Variants in KHDRBS2 observed in about 807,000 individuals in gnomAD.
KHDRBS2 encodes KH RNA binding domain containing, signal transduction associated 2.
In KHDRBS2, 26 loss-of-function variants were observed where a neutral mutation model predicts 44.3. That is an observed-to-expected ratio of 0.59 (90% CI 0.43 to 0.81). The LOEUF is 0.81. Among genes scored for constraint, KHDRBS2 ranks in the 40% least tolerant of loss-of-function variants. The pLI is 0.00. For synonymous variants in KHDRBS2, 194 were observed against 151.1 expected (o/e 1.28, Z -2.08); for missense variants, 476 against 433.1 (o/e 1.10, Z -0.88).
chr6:61,686,826 T>C (rs1766864914), intron 8 of KHDRBS2, among the ~76,000 whole-genome samples: 1 of 151,482 alleles, frequency 6.6e-6, no homozygotes, highest in African/African-American at 2.4e-5. Context: ...TAATTTATTT[T>C]ACTTCCCTTA....
chr6:62,088,828 C>T (rs1395748893), intron 2 of KHDRBS2, among the ~76,000 whole-genome samples: 1 of 152,170 alleles, frequency 6.6e-6, no homozygotes, highest in Non-Finnish European at 1.5e-5. Context: ...GTAGCCACCC[C>T]TTGCCCCAGG....
chr6:61,607,712 G>A, the KHDRBS2 span, among the ~76,000 whole-genome samples: 7 of 152,034 alleles, frequency 4.6e-5, no homozygotes, highest in East Asian at 1.4e-3. Flanking sequence ...TTTTGAGGCA[G>A]AGTCTTGCTC....
intron 6 of KHDRBS2, among the ~76,000 whole-genome samples, chr6:61,817,938 T>C (rs749059505): frequency 7.6e-4 from 115 of 152,056 alleles, no homozygotes; most frequent in Non-Finnish European, 2.8e-4. Context: ...CCTAAGGCTG[T>C]CCATGTGGAG....
At chr6:61,734,749 C>G (rs1000390591) in intron 6 of KHDRBS2, among the ~76,000 whole-genome samples, 1 of 151,978 alleles carries the variant, frequency 6.6e-6, no homozygotes, top group Non-Finnish European at 1.5e-5. Context: ...TTATTATTTT[C>G]TTGGTTTTCC....
chr6:61,782,844 G>C (rs931746467), intron 6 of KHDRBS2, among the ~76,000 whole-genome samples: 1 of 150,924 alleles, frequency 6.6e-6, no homozygotes, highest in African/African-American at 2.4e-5. Context: ...CTGATGGTTG[G>C]GTCCACATGT....
intron 3 of KHDRBS2, among the ~76,000 whole-genome samples, chr6:62,038,637 G>T (rs1370273493): frequency 2.0e-5 from 3 of 152,036 alleles, no homozygotes; most frequent in Non-Finnish European, 4.4e-5. Flanking sequence ...GTTAAGTGCA[G>T]AATTTTTCTC....
At chr6:62,202,089 G>A (rs552553017) in intron 1 of KHDRBS2, among the ~76,000 whole-genome samples, 3 of 152,184 alleles carry the variant, frequency 2.0e-5, no homozygotes, top group African/African-American at 7.2e-5. Context: ...CAGAGAAATT[G>A]TAATTGGGTA....
chr6:61,888,755 G>C (rs1053049230), intron 6 of KHDRBS2, among the ~76,000 whole-genome samples: 1 of 151,800 alleles, frequency 6.6e-6, no homozygotes, highest in African/African-American at 2.4e-5. Context: ...TAGAGATGGG[G>C]TTTCACCGTG....
intron 4 of KHDRBS2, among the ~76,000 whole-genome samples, chr6:61,965,783 G>A (rs1008291859): frequency 5.3e-5 from 8 of 151,932 alleles, no homozygotes; most frequent in African/African-American, 4.8e-5. Context: ...GGAGAGTAGA[G>A]AGCAATGGGA....
the KHDRBS2 span, among the ~76,000 whole-genome samples, chr6:61,643,917 A>G: frequency 2.0e-5 from 3 of 152,192 alleles, no homozygotes; most frequent in Admixed American, 6.6e-5. Flanking sequence ...TTCCTATCAA[A>G]CTACCAATGA....
At chr6:61,571,611 A>G in the KHDRBS2 span, among the ~76,000 whole-genome samples, 1 of 152,140 alleles carries the variant, frequency 6.6e-6, no homozygotes, top group Non-Finnish European at 1.5e-5. Context: ...CAAAATACAC[A>G]TTCTTTTCTT....
At chr6:62,275,695 C>T (rs180706871) in intron 1 of KHDRBS2, among the ~76,000 whole-genome samples, 68 of 152,266 alleles carry the variant, frequency 4.5e-4, no homozygotes, top group Non-Finnish European at 6.9e-4. Context: ...CAAGATTTTG[C>T]TATTCCCTTA....
At chr6:62,106,787 T>C (rs1298565078) in intron 2 of KHDRBS2, among the ~76,000 whole-genome samples, 2 of 152,136 alleles carry the variant, frequency 1.3e-5, no homozygotes, top group Non-Finnish European at 2.9e-5. Flanking sequence ...GCTGGTTCAG[T>C]ATACACAAAT....
intron 6 of KHDRBS2, among the ~76,000 whole-genome samples, chr6:61,749,141 TAGCTGGGACTACAGGCG>T (rs1433143115): frequency 1.3e-5 from 2 of 150,940 alleles, no homozygotes; most frequent in Non-Finnish European, 2.9e-5. Context: ...GCCTCCCGAG[TAGCTGGGACTACAGGCG>T]CCCGCCACCA....
At chr6:62,079,704 T>A (rs1407634879) in intron 2 of KHDRBS2, among the ~76,000 whole-genome samples, 3 of 152,096 alleles carry the variant, frequency 2.0e-5, no homozygotes, top group Admixed American at 6.6e-5. Flanking sequence ...AACAGAGTGA[T>A]ATCTAATATA....
rs1342646069 is a variant in KHDRBS2, at chr6:62,239,040, C to A, written c.91+46818G>T. On this transcript the variant is annotated intron_variant, in intron 1 of 8. Transcript: ENST00000281156. Reference sequence around the variant, plus strand: ...ACAAAGATGTTAGGGATTAAAGAGACATGACAACCCAATGTAATATGTGAA... The same window carrying A: ...ACAAAGATGTTAGGGATTAAAGAGAAATGACAACCCAATGTAATATGTGAA... Among the ~76,000 whole-genome samples, 4 of 152,216 alleles carry A rather than the reference C, an allele frequency of 2.6e-5. 1 individual carries two copies. The highest frequency in any genetic ancestry group is 2.0e-4 in the Admixed American group (3 of 15,286).
At chr6:61,805,155 C>T (rs1290603979) in intron 6 of KHDRBS2, among the ~76,000 whole-genome samples, 1 of 152,070 alleles carries the variant, frequency 6.6e-6, no homozygotes, top group Non-Finnish European at 1.5e-5. Flanking sequence ...TGCTTTGCTG[C>T]TTAGAAATTT....
At chr6:61,560,641 A>G in the KHDRBS2 span, among the ~76,000 whole-genome samples, 2 of 152,156 alleles carry the variant, frequency 1.3e-5, no homozygotes, top group African/African-American at 4.8e-5. Context: ...TTTCAGATCA[A>G]GAAATTCTGC....
intron 6 of KHDRBS2, among the ~76,000 whole-genome samples, chr6:61,782,649 C>G (rs1783118712): frequency 7.5e-6 from 1 of 133,440 alleles, no homozygotes; most frequent in South Asian, 2.4e-4. Context: ...TAGCATATAA[C>G]AATAAGTATG....
Sources: allele counts gnomAD v4.1 joint callset (sites outside exome capture counted in the v4.1 genomes callset), GRCh38; gene constraint gnomAD v4.1.1; transcripts MANE v1.5; gene names NCBI Gene and HGNC (gene_info 2026-07-23, HGNC 2026-07-21).